DCP1A: variants seen among roughly 807,000 people sequenced by gnomAD.
The protein encoded by DCP1A is mRNA-decapping enzyme 1A.
DCP1A carries 20 observed loss-of-function variants against 58.0 expected under a neutral mutation model. The observed-to-expected ratio is 0.34, with a 90% CI of 0.24 to 0.50. The LOEUF is 0.50. Among genes scored for constraint, DCP1A ranks in the 20% least tolerant of loss-of-function variants. The pLI, the probability that DCP1A is intolerant of heterozygous loss-of-function variation, is 0.98. For synonymous variants in DCP1A, 285 were observed against 275.1 expected (o/e 1.04, Z -0.36); for missense variants, 613 against 712.2 (o/e 0.86, Z 1.59).
chr3:53,311,274 C>A (rs1482091308), intron 5 of DCP1A, among the ~76,000 whole-genome samples: 1 of 152,144 alleles, frequency 6.6e-6, no homozygotes, highest in African/African-American at 2.4e-5. Context: ...GAAAGGAAAG[C>A]ACTTAATTCA....
chr3:53,341,913 G>A (rs573991429), intron 3 of DCP1A, among the ~76,000 whole-genome samples: 1 of 152,102 alleles, frequency 6.6e-6, no homozygotes, highest in Admixed American at 6.6e-5. Context: ...CTGACCTCAA[G>A]TGATCTGCCC....
rs782633656 is a variant in DCP1A at position 53,344,969 on chromosome 3, T to A, written c.136-27A>T. ...TATGAAAGACAATGACTCAATTAGT[T>A]TTTTTTCCCCATAATCAGACCCCAA... On this transcript the variant is annotated intron_variant, in intron 1 of 9. Coordinates refer to ENST00000610213, the MANE Select transcript of DCP1A (RefSeq NM_018403.7). The A allele has an allele frequency of 3.8e-6, 6 of 1,588,964 alleles. No homozygotes were observed. In the Admixed American group the frequency reaches 5.5e-5, roughly 14 times the overall value.
In DCP1A at chr3:53,304,272, T is replaced by C. The variant is rs781899265; in HGVS notation, c.529A>G (p.Asn177Asp). Residue 177 changes from asparagine (N) to aspartate (D), a missense_variant, in exon 6 of 10, where the codon AAT (asparagine) becomes GAT (aspartate). Asn to Asp is a conservative substitution (Grantham distance 23). This residue lies in a region of DCP1A where 498 missense variants were observed against 556.7 expected (regional missense o/e 0.89). Transcript: ENST00000610213. ...GGCTGTAACCCAGGGCTGGAGATATTTGAGTCACCCATCTGATTCTTTAAA... is the reference window on the plus strand; with the variant it reads ...GGCTGTAACCCAGGGCTGGAGATATCTGAGTCACCCATCTGATTCTTTAAA... The part of the protein sequence containing the change: ...EYERNQMGDS[N>D]ISSPGLQPST... The C allele has an allele frequency of 1.2e-6, 2 of 1,612,890 alleles. No homozygotes were observed. The highest frequency in any genetic ancestry group is 1.7e-5 in the Admixed American group (1 of 59,688).
chr3:53,343,331 G>A (rs1330598834), intron 2 of DCP1A, among the ~76,000 whole-genome samples: 1 of 152,116 alleles, frequency 6.6e-6, no homozygotes, highest in Non-Finnish European at 1.5e-5. Context: ...CTTTATCCAA[G>A]GTACGCAAAA....
At chr3:53,288,470 G>A (rs782575286) in intron 8 of DCP1A, 187 bp from the exon 9 acceptor site, 5 of 592,500 alleles carry the variant, frequency 8.4e-6, no homozygotes, top group East Asian at 8.4e-5. Flanking sequence ...ACTTCCATTA[G>A]CTAAAGGATG....
At position 53,304,273 on chromosome 3, in the gene DCP1A, T is replaced by G. The variant is rs1325366347; in HGVS notation, c.528A>C (p.Ser176=). 4.3e-6 allele frequency: 7 copies of G among 1,612,786 alleles called. No individual in the cohort carries two copies. In the African/African-American group the frequency reaches 5.3e-5, roughly 12 times the overall value. ...DEYERNQMGD[S]NISSPGLQPS... ...GCTGTAACCCAGGGCTGGAGATATT[T>G]GAGTCACCCATCTGATTCTTTAAAA... The change falls in exon 6 of 10, where the codon TCA becomes TCC. Residue 176 remains serine (S), a synonymous_variant. Coordinates refer to ENST00000610213, the MANE Select transcript of DCP1A (RefSeq NM_018403.7).
intron 3 of DCP1A, among the ~76,000 whole-genome samples, chr3:53,329,600 T>C (rs1297477310): frequency 6.6e-6 from 1 of 152,194 alleles, no homozygotes; most frequent in Admixed American, 6.5e-5. Flanking sequence ...TCAGATCAGA[T>C]TTTACTCACA....
intron 3 of DCP1A, among the ~76,000 whole-genome samples, chr3:53,333,894 T>C (rs573113707): frequency 1.4e-4 from 22 of 152,294 alleles, no homozygotes; most frequent in Admixed American, 3.9e-4. Flanking sequence ...TTTTGCTTGA[T>C]AGCTGCCTGA....
At chr3:53,330,694 T>C (rs573509486) in intron 3 of DCP1A, among the ~76,000 whole-genome samples, 1 of 152,116 alleles carries the variant, frequency 6.6e-6, no homozygotes, top group Non-Finnish European at 1.5e-5. Context: ...TTTTAATCTA[T>C]ATGGTATAGC....
At chr3:53,320,865 G>A (rs1707944661) in intron 3 of DCP1A, among the ~76,000 whole-genome samples, 1 of 152,194 alleles carries the variant, frequency 6.6e-6, no homozygotes, top group South Asian at 2.1e-4. Context: ...TTACATAAAT[G>A]AAACCACAGA....
intron 5 of DCP1A, among the ~76,000 whole-genome samples, chr3:53,311,177 T>G (rs1323233581): frequency 3.9e-5 from 6 of 152,262 alleles, no homozygotes; most frequent in Admixed American, 3.3e-4. Flanking sequence ...GCTGGTATTA[T>G]AGCAGAACTG....
chr3:53,336,224 C>G (rs1463780408), intron 3 of DCP1A, among the ~76,000 whole-genome samples: 2 of 152,138 alleles, frequency 1.3e-5, no homozygotes, highest in African/African-American at 2.4e-5. Context: ...CTGACTCAGT[C>G]TCTCCCGAGT....
intron 5 of DCP1A, among the ~76,000 whole-genome samples, chr3:53,306,770 CAAAAAAA>C (rs1169051475): frequency 2.9e-5 from 1 of 34,626 alleles, no homozygotes; most frequent in African/African-American, 9.8e-5. Flanking sequence ...GACTCCGTCT[CAAAAAAA>C]AAAAAAAAAA....
intron 5 of DCP1A, among the ~76,000 whole-genome samples, chr3:53,306,328 C>A (rs1553688051): frequency 6.6e-6 from 1 of 152,156 alleles, no homozygotes; most frequent in Non-Finnish European, 1.5e-5. Context: ...ACCATATCAA[C>A]CCCATTATGT....
chr3:53,309,728 G>A (rs1181289479), intron 5 of DCP1A, among the ~76,000 whole-genome samples: 1 of 152,228 alleles, frequency 6.6e-6, no homozygotes, highest in Non-Finnish European at 1.5e-5. Context: ...TTGTGCCCCT[G>A]CACTCCAGCC....
At chr3:53,318,937 G>A (rs1233267814) in intron 4 of DCP1A, among the ~76,000 whole-genome samples, 8 of 152,212 alleles carry the variant, frequency 5.3e-5, no homozygotes, top group Admixed American at 5.2e-4. Context: ...TATATGGTCA[G>A]GCTGTACACC....
At chr3:53,342,933 C>T (rs551548543) in intron 2 of DCP1A, among the ~76,000 whole-genome samples, 1 of 152,242 alleles carries the variant, frequency 6.6e-6, no homozygotes, top group African/African-American at 2.4e-5. Context: ...AATGGCTGCC[C>T]ATCATTACAA....
At chr3:53,332,672 G>T (rs2089029388) in intron 3 of DCP1A, among the ~76,000 whole-genome samples, 1 of 151,984 alleles carries the variant, frequency 6.6e-6, no homozygotes, top group South Asian at 2.1e-4. Context: ...AGACCATCCT[G>T]GCTAACACAG....
At chr3:53,310,609 G>T (rs373804313) in intron 5 of DCP1A, among the ~76,000 whole-genome samples, 19 of 152,304 alleles carry the variant, frequency 1.2e-4, no homozygotes, top group African/African-American at 4.6e-4. Flanking sequence ...GGTAGAAGAG[G>T]GGAATGTAAG....
Sources: gnomAD v4.1 joint callset for allele counts (sites outside exome capture counted in the v4.1 genomes callset) on GRCh38, gnomAD v4.1.1 for gene constraint, gnomAD v4.1.1 regional missense constraint, MANE v1.5 for transcripts, NCBI Gene and HGNC (gene_info 2026-07-23, HGNC 2026-07-21) for gene names.